Variants in USP26 observed in about 807,000 individuals in gnomAD.
USP26 encodes the protein ubiquitin carboxyl-terminal hydrolase 26.
For missense variants in USP26, 649 were observed against 642.3 expected, an observed-to-expected ratio of 1.01 and a Z score of -0.11; for synonymous variants, 236 against 240.6, an observed-to-expected ratio of 0.98 and a Z score of 0.18.
chrX:133,057,510 T>C (rs772157955), intron 5 of USP26, among the ~76,000 whole-genome samples: 2 of 111,061 alleles, frequency 1.8e-5, no homozygotes, highest in South Asian at 7.6e-4. Flanking sequence ...CTTTTACTTA[T>C]GTTTGCCTTA....
intron 5 of USP26, among the ~76,000 whole-genome samples, chrX:133,049,682 A>C (rs1352138422): frequency 3.6e-5 from 4 of 112,358 alleles, no homozygotes; most frequent in African/African-American, 9.7e-5. Flanking sequence ...AGAATATTGG[A>C]CATGTTCTAA....
At position 133,023,632 on chromosome X, in the gene USP26, A is replaced by T. The variant is rs753299879; in HGVS notation, c.*1847T>A. Among the ~76,000 whole-genome samples, 7 of 111,669 alleles carry T rather than the reference A, an allele frequency of 6.3e-5. No individual in the cohort carries two copies. Among genetic ancestry groups the T allele is most frequent in the Admixed American group, 9.5e-5 (1 of 10,475 alleles). ...TGTGTCTGTAACACCTTCTTCCCTA[A>T]GAGTGATCAATTCAATCTATGATAT... On this transcript the variant is annotated 3_prime_UTR_variant, in exon 6 of 6. Coordinates refer to ENST00000511190, the MANE Select transcript of USP26 (RefSeq NM_031907.3).
intron 5 of USP26, among the ~76,000 whole-genome samples, chrX:133,072,717 G>T (rs1168900392): frequency 8.9e-6 from 1 of 112,340 alleles, no homozygotes; most frequent in Non-Finnish European, 1.9e-5. Flanking sequence ...TTTGCAGATG[G>T]TTTGTATCCT....
At chrX:133,089,785 G>A (rs2067601172) in intron 4 of USP26, among the ~76,000 whole-genome samples, 1 of 112,008 alleles carries the variant, frequency 8.9e-6, no homozygotes, top group South Asian at 3.7e-4. Flanking sequence ...CTGTTTTGCA[G>A]AAAAGGAAAA....
At chrX:133,043,851 C>T (rs929531449) in intron 5 of USP26, among the ~76,000 whole-genome samples, 2 of 111,538 alleles carry the variant, frequency 1.8e-5, no homozygotes, top group Admixed American at 9.5e-5. Flanking sequence ...GGCAGTGAGC[C>T]GTGATTGCAC....
intron 1 of USP26, among the ~76,000 whole-genome samples, chrX:133,095,571 T>G: frequency 8.9e-6 from 1 of 112,123 alleles, no homozygotes; most frequent in Non-Finnish European, 1.9e-5. Flanking sequence ...GTACAAAACC[T>G]TTCATAAGAA....
rs144520575 is a variant in USP26 at position 133,053,899 on chromosome X, C to T, written c.-76-25603G>A. On this transcript the variant is annotated intron_variant, in intron 5 of 5. Transcript: ENST00000511190. Reference sequence around the variant, plus strand: ...CTACTTAAGTACAGTCTCCTTTTTCCAGTCTACCTTAGCATTGGGCTAAGC... The same window carrying T: ...CTACTTAAGTACAGTCTCCTTTTTCTAGTCTACCTTAGCATTGGGCTAAGC... Among the ~76,000 whole-genome samples, 14 of 111,696 alleles carry T rather than the reference C, an allele frequency of 1.3e-4. No homozygotes were observed. The East Asian group carries it at 4.0e-3, about 32-fold the overall frequency.
chrX:133,074,111 G>A (rs955590998), intron 5 of USP26, among the ~76,000 whole-genome samples: 2 of 111,578 alleles, frequency 1.8e-5, no homozygotes, highest in Non-Finnish European at 3.8e-5. Context: ...TCACAATCTG[G>A]GTGGCCTTTA....
intron 4 of USP26, 84 bp from the exon 5 acceptor site, chrX:133,083,855 ACTT>A (rs1322446448): frequency 9.0e-6 from 1 of 111,390 alleles, no homozygotes; most frequent in African/African-American, 3.3e-5. Flanking sequence ...TACTATAAAT[ACTT>A]CTTCTTGCTC....
At position 133,026,984 on chromosome X, in the gene USP26, C is replaced by T. The variant is rs1007508878; in HGVS notation, c.1237G>A (p.Glu413Lys). 8.3e-7 allele frequency: 1 copy of T among 1,211,209 alleles called. No individual in the cohort carries two copies. The highest frequency in any genetic ancestry group is 1.8e-5 in the South Asian group (1 of 56,983). ...TIWKPKSEFG[E>K]DNFPKQVFAD... ...AAAACCTGTTTAGGAAAATTATCTT[C>T]CCCAAATTCACTTTTAGGCTTCCAA... Residue 413 changes from glutamate to lysine, a missense_variant, in exon 6 of 6, where the codon GAA (glutamate) becomes AAA (lysine). Coordinates refer to ENST00000511190, the MANE Select transcript of USP26 (RefSeq NM_031907.3).
intron 5 of USP26, among the ~76,000 whole-genome samples, chrX:133,041,362 T>G (rs1020514540): frequency 4.5e-5 from 5 of 111,762 alleles, no homozygotes; most frequent in Non-Finnish European, 7.5e-5. Flanking sequence ...CTGATGACCT[T>G]TGGATGGCAT....
At chrX:133,073,380 A>G (rs1032108122) in intron 5 of USP26, among the ~76,000 whole-genome samples, 3 of 108,888 alleles carry the variant, frequency 2.8e-5, no homozygotes, top group Non-Finnish European at 3.8e-5. Flanking sequence ...AAGGACATCT[A>G]ATGGTTCTAT....
chrX:133,084,515 T>TC, intron 4 of USP26, among the ~76,000 whole-genome samples: 1 of 96,633 alleles, frequency 1.0e-5, no homozygotes, highest in African/African-American at 3.8e-5. Context: ...AGAACTTCTT[T>TC]TTTTTTTTTT....
chrX:133,046,419 C>G (rs2067440503), intron 5 of USP26, among the ~76,000 whole-genome samples: 1 of 112,017 alleles, frequency 8.9e-6, no homozygotes, highest in Non-Finnish European at 1.9e-5. Context: ...TCTAAAGGAT[C>G]AGTCTCCTGA....
intron 4 of USP26, among the ~76,000 whole-genome samples, chrX:133,087,599 C>T (rs746101186): frequency 8.9e-6 from 1 of 112,278 alleles, no homozygotes; most frequent in East Asian, 2.8e-4. Flanking sequence ...AAGCATACCA[C>T]TTTTTGTAGT....
intron 5 of USP26, among the ~76,000 whole-genome samples, chrX:133,056,517 A>G (rs1365211777): frequency 1.8e-5 from 2 of 111,874 alleles, no homozygotes; most frequent in Non-Finnish European, 3.8e-5. Flanking sequence ...ACTCACAGGC[A>G]GAGATTTGGG....
At chrX:133,096,248 A>C (rs1183662643) in intron 1 of USP26, among the ~76,000 whole-genome samples, 1 of 108,232 alleles carries the variant, frequency 9.2e-6, no homozygotes, top group Admixed American at 1.0e-4. Context: ...CCAAACTTTT[A>C]AAGGCAAATG....
intron 5 of USP26, among the ~76,000 whole-genome samples, chrX:133,054,712 A>G (rs2148531165): frequency 9.0e-6 from 1 of 111,339 alleles, no homozygotes; most frequent in Admixed American, 9.6e-5. Context: ...AAGACCATCC[A>G]CTTGGATAAA....
At chrX:133,062,051 G>A (rs1039327082) in intron 5 of USP26, among the ~76,000 whole-genome samples, 6 of 111,819 alleles carry the variant, frequency 5.4e-5, no homozygotes, top group African/African-American at 1.6e-4. Flanking sequence ...GTCTGAAGTC[G>A]ACCTGAGACA....
Sources: gnomAD v4.1 joint callset for allele counts (sites outside exome capture counted in the v4.1 genomes callset) on GRCh38, gnomAD v4.1.1 for gene constraint, MANE v1.5 for transcripts, NCBI Gene and HGNC (gene_info 2026-07-23, HGNC 2026-07-21) for gene names.